The following CWF19L2 variants were observed in gnomAD, a reference collection of about 807,000 sequenced individuals.
CWF19L2 encodes the protein CWF19 like cell cycle control factor 2.
In CWF19L2, 98 loss-of-function variants were observed where a neutral mutation model predicts 111.7. The observed-to-expected ratio is 0.88, with a 90% CI of 0.75 to 1.04. CWF19L2 has a LOEUF of 1.04. CWF19L2 is among the 50% of genes least tolerant of loss of function. The probability of loss-of-function intolerance (pLI) is 0.00; values close to 1 mark genes in which losing one functional copy is unlikely to be tolerated. For missense variants in CWF19L2, 1,101 were observed against 1,051.4 expected, an observed-to-expected ratio of 1.05 and a Z score of -0.65; for synonymous variants, 351 against 342.9, an observed-to-expected ratio of 1.02 and a Z score of -0.26.
At chr11:107,373,087 G>A (rs1175674043) in intron 12 of CWF19L2, among the ~76,000 whole-genome samples, 1 of 73,096 alleles carries the variant, frequency 1.4e-5, no homozygotes, top group Non-Finnish European at 2.6e-5. Context: ...GGCACACTAC[G>A]AGATTATATC....
chr11:107,351,727 G>A (rs1346224328), intron 13 of CWF19L2, among the ~76,000 whole-genome samples: 1 of 152,098 alleles, frequency 6.6e-6, no homozygotes, highest in Non-Finnish European at 1.5e-5. Context: ...CAAGAGATGG[G>A]TGCAAACTGG....
At chr11:107,334,842 A>C in intron 16 of CWF19L2, 39 bp downstream of exon 16, 4 of 1,206,808 alleles carry the variant, frequency 3.3e-6, no homozygotes, top group Non-Finnish European at 4.9e-6. Flanking sequence ...GATCCTGAGC[A>C]CTAGGGTAAT....
In CWF19L2 at chr11:107,433,880, TTATATATATATATATATATATATA is replaced by T. The variant is rs61304388; in HGVS notation, c.665-155_665-132del. The T allele has an allele frequency of 9.0e-5, 11 of 122,262 alleles. 1 individual carries two copies. Among genetic ancestry groups the T allele is most frequent in the East Asian group, 7.4e-4 (3 of 4,046 alleles). 7.6% of individuals were successfully genotyped at this position (122,262 alleles called of 1,614,324 possible). ...TAAATATATAAGTGCCTTTGGAATT[TTATATATATATATATATATATATA>T]TATATATATATATATATTTCAGTGC... is the stretch of plus-strand genomic sequence containing the variant. On this transcript the variant is annotated intron_variant, in intron 6 of 17. Coordinates refer to ENST00000282251, the MANE Select transcript of CWF19L2 (RefSeq NM_152434.3).
In CWF19L2 at chr11:107,348,884, T is replaced by A. The variant is rs1591155071; in HGVS notation, c.2202+53A>T. 1.8e-5 allele frequency: 18 copies of A among 1,010,682 alleles called. No individual in the cohort carries two copies. The East Asian group carries it at 4.4e-4, about 25-fold the overall frequency. The allele number at this position is 1,010,682 out of a possible 1,614,324, so 62.6% of individuals were successfully genotyped here. A position where few individuals can be genotyped will look rare whatever the true frequency, so the allele number is the denominator to read the frequency against. On this transcript the variant is annotated intron_variant, in intron 14 of 17. Coordinates refer to ENST00000282251, the MANE Select transcript of CWF19L2 (RefSeq NM_152434.3). ...CCTATTGGAATTTATCACAATAATT[T>A]ACAAAAATTGCTCATGAGTTTTAAA...
chr11:107,361,162 T>C (rs970644580), intron 12 of CWF19L2, among the ~76,000 whole-genome samples: 2 of 152,254 alleles, frequency 1.3e-5, no homozygotes, highest in African/African-American at 4.8e-5. Context: ...TTCATACTTC[T>C]TCTGCATAGG....
At chr11:107,360,186 C>T (rs1158462201) in intron 12 of CWF19L2, among the ~76,000 whole-genome samples, 1 of 152,122 alleles carries the variant, frequency 6.6e-6, no homozygotes, top group Non-Finnish European at 1.5e-5. Context: ...TATTTAGCTC[C>T]CACTTAAAAG....
At chr11:107,411,744 T>G (rs966992180) in intron 10 of CWF19L2, among the ~76,000 whole-genome samples, 2 of 152,308 alleles carry the variant, frequency 1.3e-5, no homozygotes, top group South Asian at 4.1e-4. Flanking sequence ...CCTTCGGATA[T>G]TTTAAAAACC....
At chr11:107,337,375 G>A (rs1310856027) in intron 14 of CWF19L2, among the ~76,000 whole-genome samples, 1 of 25,450 alleles carries the variant, frequency 3.9e-5, no homozygotes, top group Non-Finnish European at 8.0e-5. Flanking sequence ...TTTTGTGTGT[G>A]TGTGTGTGTG....
At chr11:107,408,104 A>C (rs2135391024) in intron 10 of CWF19L2, among the ~76,000 whole-genome samples, 1 of 152,184 alleles carries the variant, frequency 6.6e-6, no homozygotes, top group South Asian at 2.1e-4. Context: ...CATTCTCTGG[A>C]TGCCCAGATT....
At chr11:107,422,494 A>G (rs143939752) in intron 8 of CWF19L2, among the ~76,000 whole-genome samples, 426 of 152,118 alleles carry the variant, frequency 2.8e-3, no homozygotes, top group Middle Eastern at 6.8e-3. Context: ...CAGGGGGGTG[A>G]TGGTTTAATG....
chr11:107,423,821 C>A (rs1861335976), intron 8 of CWF19L2, among the ~76,000 whole-genome samples: 1 of 151,840 alleles, frequency 6.6e-6, no homozygotes, highest in Non-Finnish European at 1.5e-5. Flanking sequence ...ACCAAGCCAT[C>A]CATCAATCCA....
intron 12 of CWF19L2, among the ~76,000 whole-genome samples, chr11:107,375,185 C>T (rs1860579701): frequency 7.5e-6 from 1 of 133,054 alleles, no homozygotes; most frequent in African/African-American, 3.0e-5. Context: ...GACTTTAACA[C>T]CCCACTGTCA....
chr11:107,427,641 T>TA (rs1861397517), intron 8 of CWF19L2, among the ~76,000 whole-genome samples: 1 of 152,006 alleles, frequency 6.6e-6, no homozygotes, highest in Non-Finnish European at 1.5e-5. Context: ...TATCAGGAAA[T>TA]AAGAGCCTCA....
intron 12 of CWF19L2, among the ~76,000 whole-genome samples, chr11:107,375,018 C>T (rs1483254759): frequency 7.1e-6 from 1 of 140,374 alleles, no homozygotes; most frequent in Non-Finnish European, 1.5e-5. Context: ...TCAAAAGAGA[C>T]AAAGAAGGCC....
At chr11:107,346,155 C>A (rs559223) in intron 14 of CWF19L2, among the ~76,000 whole-genome samples, 122,517 of 152,172 alleles carry the variant, frequency 0.81, 49,993 homozygotes, top group African/African-American at 0.94. Context: ...TTTTGACATT[C>A]AAATTAAAGT....
At chr11:107,389,017 C>T (rs1202500919) in intron 12 of CWF19L2, among the ~76,000 whole-genome samples, 3 of 152,220 alleles carry the variant, frequency 2.0e-5, no homozygotes, top group Admixed American at 1.3e-4. Context: ...ACACAACATA[C>T]ACATACAGAT....
At chr11:107,404,182 G>A in intron 10 of CWF19L2, 1 of 776,346 alleles carries the variant, frequency 1.3e-6, no homozygotes, top group Non-Finnish European at 2.4e-6. Flanking sequence ...AGCAAGGTAT[G>A]TGGGGGAATT....
intron 10 of CWF19L2, among the ~76,000 whole-genome samples, chr11:107,412,329 A>G (rs185250163): frequency 1.1e-4 from 16 of 152,230 alleles, no homozygotes; most frequent in Admixed American, 3.3e-4. Context: ...ATATTTACCC[A>G]TAGGAGTTTT....
At chr11:107,431,135 C>T (rs1304914900) in intron 7 of CWF19L2, among the ~76,000 whole-genome samples, 1 of 151,610 alleles carries the variant, frequency 6.6e-6, no homozygotes, top group African/African-American at 2.4e-5. Flanking sequence ...AAGGCAATAC[C>T]AGCTTCCAAT....
Sources: gnomAD v4.1 joint callset for allele counts (sites outside exome capture counted in the v4.1 genomes callset) on GRCh38, gnomAD v4.1.1 for gene constraint, MANE v1.5 for transcripts, NCBI Gene and HGNC (gene_info 2026-07-23, HGNC 2026-07-21) for gene names.